Variants in CACNB4 observed in about 807,000 individuals in gnomAD.
CACNB4 encodes voltage-dependent L-type calcium channel subunit beta-4.
In CACNB4, 32 loss-of-function variants were observed where a neutral mutation model predicts 71.2. The observed-to-expected ratio is 0.45, with a 90% CI of 0.34 to 0.60. The LOEUF is 0.60. CACNB4 is among the 20% of genes least tolerant of loss of function. CACNB4 has a pLI of 0.01. For synonymous variants in CACNB4, 231 were observed against 236.9 expected (o/e 0.97, Z 0.23); for missense variants, 464 against 647.9 (o/e 0.72, Z 3.08).
chr2:152,050,986 C>A (rs958048644), intron 2 of CACNB4, among the ~76,000 whole-genome samples: 14 of 152,026 alleles, frequency 9.2e-5, no homozygotes, highest in Non-Finnish European at 1.9e-4. Context: ...CCAGGCTGGT[C>A]TTGAACCCCT....
At chr2:151,922,812 C>T (rs1032154054) in intron 2 of CACNB4, among the ~76,000 whole-genome samples, 5 of 152,168 alleles carry the variant, frequency 3.3e-5, no homozygotes, top group African/African-American at 1.2e-4. Flanking sequence ...ATTTTTTAGA[C>T]CTTTTGAATT....
chr2:152,058,023 C>T, intron 2 of CACNB4, among the ~76,000 whole-genome samples: 1 of 152,102 alleles, frequency 6.6e-6, no homozygotes, highest in East Asian at 1.9e-4. Context: ...TAAGTGAGTT[C>T]TCACAAGGTC....
intron 13 of CACNB4, 72 bp downstream of exon 13, chr2:151,841,831 C>T (rs1559847748): frequency 7.7e-7 from 1 of 1,290,920 alleles, no homozygotes; most frequent in Non-Finnish European, 1.1e-6. Flanking sequence ...ACTCCAGTCT[C>T]CATCCTAATC....
At chr2:151,852,129 A>G (rs2099839216) in intron 12 of CACNB4, 2 of 152,220 alleles carry the variant, frequency 1.3e-5, no homozygotes, top group South Asian at 4.1e-4. Flanking sequence ...GAATAGATTG[A>G]ATCCTAATTT....
Position 151,841,905 on chromosome 2 carries a change from G to A in CACNB4, c.1300C>T (p.Gln434Ter), listed in dbSNP as rs766765950. Reference protein sequence around the residue: ...SPYPTAISGLQSQRMRHSNHS... With the variant: ...SPYPTAISGL Reference sequence around the variant, plus strand: ...CATGAGTGAAAAAGTGACAATACCTGTAACCCAGAAATTGCTGTGGGATAT... The same window carrying A: ...CATGAGTGAAAAAGTGACAATACCTATAACCCAGAAATTGCTGTGGGATAT... The change falls in exon 13 of 14, where the codon CAG (glutamine) becomes TAG (stop). Residue 434 changes from glutamine to a stop codon, truncating the protein, a stop_gained and splice_region_variant. Coordinates refer to ENST00000539935, the MANE Select transcript of CACNB4 (RefSeq NM_000726.5). LOFTEE classifies it high-confidence loss of function. 1.2e-6 allele frequency: 2 copies of A among 1,613,440 alleles called. No homozygotes were observed. The highest frequency in any genetic ancestry group is 1.7e-6 in the Non-Finnish European group (2 of 1,179,644).
intron 2 of CACNB4, among the ~76,000 whole-genome samples, chr2:152,004,598 A>G (rs1174947864): frequency 6.6e-6 from 1 of 151,574 alleles, no homozygotes; most frequent in Non-Finnish European, 1.5e-5. Flanking sequence ...CCTTCAGTCA[A>G]TCCTGCCCCT....
chr2:152,035,772 C>T (rs1684559281), intron 2 of CACNB4, among the ~76,000 whole-genome samples: 1 of 151,982 alleles, frequency 6.6e-6, no homozygotes, highest in Middle Eastern at 3.2e-3. Context: ...CAAGCTTTTA[C>T]CCCTCAAGCA....
chr2:152,086,267 C>T (rs990777446), intron 2 of CACNB4, among the ~76,000 whole-genome samples: 2 of 152,164 alleles, frequency 1.3e-5, no homozygotes, highest in South Asian at 4.1e-4. Context: ...ACAATCAATA[C>T]TACATGAAAA....
At chr2:151,973,931 T>A (rs770030692) in intron 2 of CACNB4, 140 of 1,320,318 alleles carry the variant, frequency 1.1e-4, no homozygotes, top group Admixed American at 2.4e-4. Flanking sequence ...GCCTTCCCAA[T>A]ACAGAGCACA....
At chr2:151,865,449 G>A (rs1211470264) in intron 9 of CACNB4, among the ~76,000 whole-genome samples, 1 of 152,140 alleles carries the variant, frequency 6.6e-6, no homozygotes, top group Non-Finnish European at 1.5e-5. Flanking sequence ...TCCAATAAAT[G>A]TCACAGAGTT....
At chr2:152,055,416 A>C (rs1183384252) in intron 2 of CACNB4, among the ~76,000 whole-genome samples, 16 of 152,184 alleles carry the variant, frequency 1.1e-4, no homozygotes, top group Non-Finnish European at 1.5e-5. Flanking sequence ...CTTCAGTGCC[A>C]TATCTTAAGA....
intron 2 of CACNB4, among the ~76,000 whole-genome samples, chr2:152,037,340 A>G (rs1684649187): frequency 6.6e-6 from 1 of 152,236 alleles, no homozygotes; most frequent in Admixed American, 6.5e-5. Context: ...GTGGCAATCT[A>G]TATCCCGTCA....
At chr2:152,005,526 G>A (rs1448551438) in intron 2 of CACNB4, among the ~76,000 whole-genome samples, 2 of 152,102 alleles carry the variant, frequency 1.3e-5, no homozygotes, top group Non-Finnish European at 2.9e-5. Context: ...TCAAAAGGAG[G>A]GAGTGAGGGG....
chr2:151,970,101 A>G (rs2099872130), intron 2 of CACNB4: 1 of 152,136 alleles, frequency 6.6e-6, no homozygotes, highest in Non-Finnish European at 1.5e-5. Flanking sequence ...CGTACAATAT[A>G]CCCTAAGAAT....
intron 12 of CACNB4, among the ~76,000 whole-genome samples, chr2:151,844,463 T>C (rs965731822): frequency 6.6e-6 from 1 of 151,964 alleles, no homozygotes; most frequent in African/African-American, 2.4e-5. Flanking sequence ...AGAGATCATA[T>C]GGCCATGAGT....
intron 2 of CACNB4, among the ~76,000 whole-genome samples, chr2:151,980,069 AC>A (rs2099874452): frequency 6.6e-6 from 1 of 152,138 alleles, no homozygotes; most frequent in Non-Finnish European, 1.5e-5. Context: ...AATTAGTAAA[AC>A]TTTATTTTCT....
intron 2 of CACNB4, among the ~76,000 whole-genome samples, chr2:151,889,132 T>G (rs2099850108): frequency 6.6e-6 from 1 of 152,254 alleles, no homozygotes; most frequent in African/African-American, 2.4e-5. Context: ...CCCTTCTGGA[T>G]TAGATAAACG....
chr2:151,920,434 C>T (rs559474545), intron 2 of CACNB4, among the ~76,000 whole-genome samples: 3 of 150,710 alleles, frequency 2.0e-5, no homozygotes, highest in African/African-American at 7.3e-5. Context: ...GTGATCCTTC[C>T]GCCTCAGCCT....
At chr2:151,988,361 G>T (rs1681490965) in intron 2 of CACNB4, among the ~76,000 whole-genome samples, 1 of 151,996 alleles carries the variant, frequency 6.6e-6, no homozygotes. Flanking sequence ...TCATACATCT[G>T]CCTTTCCTGT....
Sources: allele counts gnomAD v4.1 joint callset (sites outside exome capture counted in the v4.1 genomes callset), GRCh38; gene constraint gnomAD v4.1.1; transcripts MANE v1.5; gene names NCBI Gene and HGNC (gene_info 2026-07-23, HGNC 2026-07-21).